MZT2B: variants seen among roughly 807,000 people sequenced by gnomAD.
MZT2B encodes mitotic spindle organizing protein 2B, also known as mitotic-spindle organizing protein 2B.
Under a neutral mutation model 12.1 loss-of-function variants are expected in MZT2B, and 11 were observed. That is an observed-to-expected ratio of 0.91 (90% CI 0.57 to 1.50). The LOEUF is 1.50. Among genes scored for constraint, MZT2B ranks in the 40% most tolerant of loss-of-function variants. The probability of loss-of-function intolerance (pLI) is 0.00; values close to 1 mark genes in which losing one functional copy is unlikely to be tolerated. For missense variants in MZT2B, 209 were observed against 227.7 expected, an observed-to-expected ratio of 0.92 and a Z score of 0.53; for synonymous variants, 85 against 109.5, an observed-to-expected ratio of 0.78 and a Z score of 1.40.
At position 130,182,937 on chromosome 2, in the gene MZT2B, G is replaced by A. The variant is rs530368031; in HGVS notation, c.319+162G>A. 23 of 941,968 alleles carry A rather than the reference G, an allele frequency of 2.4e-5. No individual in the cohort carries two copies. The African/African-American group carries it at 2.6e-4, about 11-fold the overall frequency. 58.4% of individuals were successfully genotyped at this position (941,968 alleles called of 1,614,324 possible). On this transcript the variant is annotated intron_variant, in intron 2 of 2. Coordinates refer to ENST00000281871, the MANE Select transcript of MZT2B (RefSeq NM_025029.5). ...TCCGTGGGCTCTGCTCCTGGGCTTC[G>A]CTGCCAGCCTTAGGAGGCACGTCCA...
At chr2:130,203,048 C>CTTTTTTTTTTTTTT in the MZT2B span, among the ~76,000 whole-genome samples, 7 of 118,526 alleles carry the variant, frequency 5.9e-5, no homozygotes, top group Non-Finnish European at 8.8e-5. Flanking sequence ...TTTCTTTTTT[C>CTTTTTTTTTTTTTT]TTTTTTTTTT....
rs71422855 is a variant in MZT2B at position 130,190,514 on chromosome 2, C to A, written c.365C>A (p.Ala122Glu). 1 of 1,613,726 alleles carries A rather than the reference C, an allele frequency of 6.2e-7. No homozygotes were observed. The highest frequency in any genetic ancestry group is 8.5e-7 in the Non-Finnish European group (1 of 1,179,982). The change falls in exon 3 of 3, where the codon GCG (alanine) becomes GAG (glutamate). Residue 122 changes from alanine (A) to glutamate (E), a missense_variant. Ala to Glu is a moderately radical substitution (Grantham distance 107). Coordinates refer to ENST00000281871, the MANE Select transcript of MZT2B (RefSeq NM_025029.5). ...SAALGGALALAERSSREGSSQ... is the reference protein window; with the variant it reads ...SAALGGALALEERSSREGSSQ... ...GCCCTCGGGGGAGCATTGGCCCTGGCGGAACGCAGCAGCCGCGAAGGATCC... is the reference window on the plus strand; with the variant it reads ...GCCCTCGGGGGAGCATTGGCCCTGGAGGAACGCAGCAGCCGCGAAGGATCC...
rs765411347 is a variant in MZT2B at position 130,183,755 on chromosome 2, C to G, written c.319+980C>G. ...GCCTCTTCACTGACCTTCGCTCTGTCTGCTCTCTTTGTGTCTCTCTCTGAC... is the reference window on the plus strand; with the variant it reads ...GCCTCTTCACTGACCTTCGCTCTGTGTGCTCTCTTTGTGTCTCTCTCTGAC... On this transcript the variant is annotated intron_variant, in intron 2 of 2. Coordinates refer to ENST00000281871, the MANE Select transcript of MZT2B (RefSeq NM_025029.5). 5 of 1,550,636 alleles carry G rather than the reference C, an allele frequency of 3.2e-6. No individual in the cohort carries two copies. In the South Asian group the frequency reaches 5.9e-5, roughly 18 times the overall value.
the MZT2B span, chr2:130,198,575 C>T: frequency 1.9e-6 from 1 of 525,820 alleles, no homozygotes; most frequent in Non-Finnish European, 3.1e-6. Context: ...TGGGGATGCT[C>T]TCTGATTGGA....
At chr2:130,201,865 G>C in the MZT2B span, among the ~76,000 whole-genome samples, 5 of 152,158 alleles carry the variant, frequency 3.3e-5, no homozygotes, top group Non-Finnish European at 7.3e-5. Context: ...TGTACAGCAA[G>C]GATTTATGTA....
At chr2:130,185,191 G>A (rs1192713908) in intron 2 of MZT2B, among the ~76,000 whole-genome samples, 8 of 151,964 alleles carry the variant, frequency 5.3e-5, no homozygotes, top group Non-Finnish European at 7.4e-5. Flanking sequence ...GGTGCCTGTA[G>A]TCCCAGCTAC....
Position 130,182,786 on chromosome 2 carries a change from G to T in MZT2B, c.319+11G>T. ...TGCCCGAGACCCGAGGTCAGAGCTG[G>T]GCCCGCTGTCCCTGCCCCAGTGGCG... On this transcript the variant is annotated intron_variant, in intron 2 of 2. Coordinates refer to ENST00000281871, the MANE Select transcript of MZT2B (RefSeq NM_025029.5). 2 of 1,467,774 alleles carry T rather than the reference G, an allele frequency of 1.4e-6. No homozygotes were observed. The highest frequency in any genetic ancestry group is 2.5e-5 in the East Asian group (1 of 40,162). 90.9% of individuals were successfully genotyped at this position (1,467,774 alleles called of 1,614,324 possible). A position where few individuals can be genotyped will look rare whatever the true frequency, so the allele number is the denominator to read the frequency against.
chr2:130,199,519 A>C, the MZT2B span, among the ~76,000 whole-genome samples: 1 of 122,650 alleles, frequency 8.2e-6, no homozygotes, highest in Admixed American at 9.2e-5. Context: ...CACTGCACTC[A>C]AGCCTGGGTG....
downstream of MZT2B, chr2:130,195,093 G>A (rs142769709): frequency 1.3e-3 from 2,166 of 1,612,774 alleles, 32 homozygotes; most frequent in East Asian, 0.024. Flanking sequence ...TTGCGGATCC[G>A]GTCCAGGACT....
downstream of MZT2B, chr2:130,193,819 G>T: frequency 6.2e-7 from 1 of 1,613,204 alleles, no homozygotes; most frequent in Non-Finnish European, 8.5e-7. Flanking sequence ...CCACAAACTG[G>T]ATAGTGCGCT....
chr2:130,184,634 G>A (rs750807072), intron 2 of MZT2B: 8 of 985,344 alleles, frequency 8.1e-6, no homozygotes, highest in Non-Finnish European at 9.6e-6. Flanking sequence ...GGTGGAGAGG[G>A]GCTGAGGGAC....
At chr2:130,196,366 C>G in the MZT2B span, 10 of 1,612,318 alleles carry the variant, frequency 6.2e-6, no homozygotes, top group South Asian at 1.1e-5. Context: ...TAGAGATACA[C>G]TCGCGCTGTG....
At chr2:130,183,881 C>T in intron 2 of MZT2B, 1 of 1,550,642 alleles carries the variant, frequency 6.4e-7, no homozygotes, top group Non-Finnish European at 8.7e-7. Flanking sequence ...TTCTGCTCCA[C>T]AGCCCGGCTG....
intron 2 of MZT2B, chr2:130,184,787 G>A: frequency 1.0e-6 from 1 of 985,392 alleles, no homozygotes; most frequent in Non-Finnish European, 1.2e-6. Flanking sequence ...CAGGGCTCTG[G>A]GAGCCAGGCC....
At chr2:130,199,914 G>A in the MZT2B span, among the ~76,000 whole-genome samples, 5 of 151,980 alleles carry the variant, frequency 3.3e-5, no homozygotes, top group Admixed American at 3.3e-4. Flanking sequence ...TGGCCAACAT[G>A]ATGAAACCCT....
chr2:130,181,701 GC>G (rs1689661055), upstream of MZT2B: 3 of 1,548,594 alleles, frequency 1.9e-6, no homozygotes, highest in East Asian at 7.3e-5. Flanking sequence ...GCGAAGGCCG[GC>G]CGGGCGGGGA....
chr2:130,191,333 G>A (rs1690252598), downstream of MZT2B, among the ~76,000 whole-genome samples: 1 of 151,834 alleles, frequency 6.6e-6, no homozygotes, highest in Non-Finnish European at 1.5e-5. Context: ...CACGAATGCT[G>A]TGTGGAACTC....
At chr2:130,187,368 T>G (rs1485380202) in intron 2 of MZT2B, among the ~76,000 whole-genome samples, 4 of 152,106 alleles carry the variant, frequency 2.6e-5, no homozygotes, top group Non-Finnish European at 5.9e-5. Flanking sequence ...TTTAATTTTT[T>G]GTAGAGATGG....
chr2:130,196,451 A>G, the MZT2B span: 1 of 1,541,340 alleles, frequency 6.5e-7, no homozygotes, highest in East Asian at 2.3e-5. Flanking sequence ...ATTCTAATTT[A>G]ATATTTATAT....
Sources: gnomAD v4.1 joint callset for allele counts (sites outside exome capture counted in the v4.1 genomes callset) on GRCh38, gnomAD v4.1.1 for gene constraint, MANE v1.5 for transcripts, NCBI Gene and HGNC (gene_info 2026-07-23, HGNC 2026-07-21) for gene names.